RPP30: variants seen among roughly 807,000 people sequenced by gnomAD.
RPP30 encodes ribonuclease P/MRP subunit p30.
Under a neutral mutation model 38.6 loss-of-function variants are expected in RPP30, and 36 were observed. The ratio of observed to expected loss-of-function variants is 0.93; its 90% CI spans 0.71 to 1.23. The LOEUF is 1.23. RPP30 is among the 50% of genes most tolerant of loss of function. The pLI is 0.00. For synonymous variants in RPP30, 126 were observed against 112.7 expected (o/e 1.12, Z -0.75); for missense variants, 321 against 321.7 (o/e 1.00, Z 0.02).
At chr10:90,896,094 T>C (rs1223672542) in intron 9 of RPP30, among the ~76,000 whole-genome samples, 177 bp downstream of exon 9, 1 of 152,224 alleles carries the variant, frequency 6.6e-6, no homozygotes, top group African/African-American at 2.4e-5. Context: ...GTTTTTTAAT[T>C]AATCATGAGA....
rs1373382281 is a variant in RPP30, at chr10:90,872,031, GA to G, written c.47del (p.Lys16ArgfsTer37). The G allele has an allele frequency of 1.2e-6, 2 of 1,614,068 alleles. No homozygotes were observed. Among genetic ancestry groups the G allele is most frequent in the Non-Finnish European group, 1.7e-6 (2 of 1,180,034 alleles). ...DLDLRAGSDL[K>X]ALRGLVETAA... The stretch of plus-strand genomic sequence containing the variant: ...TGGACCTGCGAGCGGGTTCTGACCT[GA>G]AGGCTCTGCGCGGACTTGTGGAGAC... On this transcript the variant is annotated frameshift_variant, in exon 1 of 11. Transcript: ENST00000371703. LOFTEE classifies it high-confidence loss of function.
At chr10:90,875,029 C>T in intron 2 of RPP30, 105 bp downstream of exon 2, 1 of 613,782 alleles carries the variant, frequency 1.6e-6, no homozygotes, top group Non-Finnish European at 2.8e-6. Flanking sequence ...TTAAATGCAC[C>T]CCTTTGTGCA....
chr10:90,880,420 T>A (rs1846911457), intron 5 of RPP30, among the ~76,000 whole-genome samples: 1 of 152,150 alleles, frequency 6.6e-6, no homozygotes, highest in Non-Finnish European at 1.5e-5. Flanking sequence ...TTGTTGTTGT[T>A]ACTTCCTTTA....
At chr10:90,899,647 C>G (rs998209702) in intron 10 of RPP30, among the ~76,000 whole-genome samples, 2 of 152,084 alleles carry the variant, frequency 1.3e-5, no homozygotes, top group African/African-American at 2.4e-5. Flanking sequence ...ACTATTTTAC[C>G]TAGGTTCTTC....
At chr10:90,881,491 A>G (rs1846927337) in intron 5 of RPP30, among the ~76,000 whole-genome samples, 1 of 152,208 alleles carries the variant, frequency 6.6e-6, no homozygotes, top group Non-Finnish European at 1.5e-5. Flanking sequence ...AATACTTTGG[A>G]AGATGGAAGA....
At chr10:90,880,436 T>C (rs990951257) in intron 5 of RPP30, among the ~76,000 whole-genome samples, 3 of 152,156 alleles carry the variant, frequency 2.0e-5, no homozygotes, top group Non-Finnish European at 2.9e-5. Context: ...CTTTAAAAAA[T>C]GCAATTGTAG....
At chr10:90,893,074 A>G (rs1401855382) in intron 6 of RPP30, among the ~76,000 whole-genome samples, 1 of 152,216 alleles carries the variant, frequency 6.6e-6, no homozygotes, top group African/African-American at 2.4e-5. Flanking sequence ...GGGAAAAGTC[A>G]AAAAATGAGA....
intron 6 of RPP30, among the ~76,000 whole-genome samples, chr10:90,889,356 C>G (rs1847044795): frequency 6.8e-6 from 1 of 147,096 alleles, no homozygotes; most frequent in Non-Finnish European, 1.5e-5. Context: ...TCCACCCACG[C>G]TGGAGTGCAG....
At chr10:90,872,324 T>C (rs1225211550) in intron 1 of RPP30, among the ~76,000 whole-genome samples, 1 of 152,128 alleles carries the variant, frequency 6.6e-6, no homozygotes, top group Non-Finnish European at 1.5e-5. Context: ...GGGATTTGCA[T>C]AGGGGCCTAC....
chr10:90,881,403 T>A (rs1356284241), intron 5 of RPP30, among the ~76,000 whole-genome samples: 1 of 152,202 alleles, frequency 6.6e-6, no homozygotes, highest in African/African-American at 2.4e-5. Flanking sequence ...TTTTACTTGT[T>A]TATCTTACTG....
In RPP30 at chr10:90,900,688, C is replaced by T; in HGVS notation, c.*9C>T. ...CCAAGTGTGAGGGCTGAAAAGAATG[C>T]CCCAGTCTCTGTCAGCACTCCCTTC... On this transcript the variant is annotated 3_prime_UTR_variant, in exon 11 of 11. Transcript: ENST00000371703. 6.2e-7 allele frequency: 1 copy of T among 1,611,172 alleles called. No homozygotes were observed. The highest frequency in any genetic ancestry group is 2.2e-5 in the East Asian group (1 of 44,842).
intron 5 of RPP30, among the ~76,000 whole-genome samples, chr10:90,880,749 A>G (rs555706995): frequency 3.3e-5 from 5 of 152,278 alleles, no homozygotes; most frequent in Admixed American, 2.0e-4. Context: ...GCAATTATAG[A>G]TATTCTCAAG....
downstream of RPP30, chr10:90,903,077 T>TACAAAGA (rs1847220866): frequency 1.5e-6 from 1 of 688,584 alleles, no homozygotes; most frequent in Non-Finnish European, 2.6e-6. Context: ...AAAGAGTCAT[T>TACAAAGA]ACAAAGAACT....
At chr10:90,879,352 TCA>T (rs1177888983) in intron 5 of RPP30, among the ~76,000 whole-genome samples, 3 of 152,218 alleles carry the variant, frequency 2.0e-5, no homozygotes, top group Non-Finnish European at 4.4e-5. Flanking sequence ...TTTGATAGGC[TCA>T]GTTTGAAAGA....
At chr10:90,902,794 G>A (rs557017027), downstream of RPP30, among the ~76,000 whole-genome samples, 28 of 152,276 alleles carry the variant, frequency 1.8e-4, no homozygotes, top group Non-Finnish European at 3.2e-4. Context: ...CAATTTGATG[G>A]ATTAACCTAC....
intron 1 of RPP30, among the ~76,000 whole-genome samples, chr10:90,872,678 A>G (rs937935590): frequency 1.3e-5 from 2 of 152,216 alleles, no homozygotes; most frequent in African/African-American, 4.8e-5. Context: ...TGTATTCCGT[A>G]GACTGTAAAG....
chr10:90,896,023 G>A, intron 9 of RPP30, 106 bp downstream of exon 9: 1 of 857,484 alleles, frequency 1.2e-6, no homozygotes, highest in Non-Finnish European at 1.9e-6. Flanking sequence ...TTTACTGTAA[G>A]TTTACCAATT....
At chr10:90,884,603 C>T (rs1846975434) in intron 5 of RPP30, among the ~76,000 whole-genome samples, 1 of 152,186 alleles carries the variant, frequency 6.6e-6, no homozygotes, top group Non-Finnish European at 1.5e-5. Context: ...GCCAAAACAA[C>T]ATTGCTTCCC....
At chr10:90,883,931 G>A (rs890953701) in intron 5 of RPP30, among the ~76,000 whole-genome samples, 2 of 151,906 alleles carry the variant, frequency 1.3e-5, no homozygotes, top group South Asian at 2.1e-4. Context: ...TATTTACCTC[G>A]TCTTTTTTTC....
Sources: gnomAD v4.1 joint callset for allele counts (sites outside exome capture counted in the v4.1 genomes callset) on GRCh38, gnomAD v4.1.1 for gene constraint, MANE v1.5 for transcripts, NCBI Gene and HGNC (gene_info 2026-07-23, HGNC 2026-07-21) for gene names.